GCLC: variants seen among roughly 807,000 people sequenced by gnomAD.
The protein encoded by GCLC is glutamate-cysteine ligase catalytic subunit, also known as glutamate--cysteine ligase catalytic subunit.
In GCLC, 30 loss-of-function variants were observed where a neutral mutation model predicts 81.5. The observed-to-expected ratio is 0.37, with a 90% CI of 0.28 to 0.50. The LOEUF is 0.50. Ranked by LOEUF, GCLC falls within the 20% of genes least tolerant of loss-of-function variation. The pLI, the probability that GCLC is intolerant of heterozygous loss-of-function variation, is 0.96. For missense variants in GCLC, 556 were observed against 777.4 expected (o/e 0.72, Z 3.39); for synonymous variants, 262 against 273.3 (o/e 0.96, Z 0.41).
intron 1 of GCLC, among the ~76,000 whole-genome samples, chr6:53,539,666 C>G (rs898173379): frequency 2.0e-5 from 3 of 152,144 alleles, no homozygotes; most frequent in African/African-American, 7.2e-5. Flanking sequence ...GCAAAAAAAG[C>G]AGCATTTTGA....
intron 1 of GCLC, among the ~76,000 whole-genome samples, chr6:53,530,174 TG>T (rs1209074058): frequency 6.6e-6 from 1 of 152,218 alleles, no homozygotes; most frequent in Admixed American, 6.5e-5. Flanking sequence ...TAGTGCTCAC[TG>T]GGGGTCACCT....
Position 53,506,793 on chromosome 6 carries a change from C to A in GCLC, c.1197+120G>T, listed in dbSNP as rs1764623736. 1.4e-6 allele frequency: 1 copy of A among 700,596 alleles called. No homozygotes were observed. Among genetic ancestry groups the A allele is most frequent in the Non-Finnish European group, 2.6e-6 (1 of 380,910 alleles). 43.4% of individuals were successfully genotyped at this position (700,596 alleles called of 1,614,324 possible). On this transcript the variant is annotated intron_variant, in intron 10 of 15. Coordinates refer to ENST00000650454, the MANE Select transcript of GCLC (RefSeq NM_001498.4). This position sits in a 1 kb window ranked among gnomAD's most constrained non-coding sequence, Gnocchi z 4.0. ...CTTATGAAATTTCTTTTGTGTTCTC[C>A]ACAGGTACAGAAAACTGCCTCCCCA...
intron 1 of GCLC, among the ~76,000 whole-genome samples, chr6:53,531,173 C>T (rs936274756): frequency 1.3e-5 from 2 of 152,116 alleles, no homozygotes; most frequent in African/African-American, 4.8e-5. Flanking sequence ...AGCTCCAGGG[C>T]AGTGATACAC....
chr6:53,507,106 C>T (rs1764630825), intron 9 of GCLC, 81 bp from the exon 10 acceptor site: 4 of 824,452 alleles, frequency 4.9e-6, no homozygotes, highest in African/African-American at 1.7e-5. Context: ...GACAGGATAG[C>T]TCAGGAAGTT....
At chr6:53,502,108 T>C (rs1011817918) in intron 12 of GCLC, among the ~76,000 whole-genome samples, 2 of 152,260 alleles carry the variant, frequency 1.3e-5, no homozygotes, top group Non-Finnish European at 2.9e-5. Context: ...TGCTGTATTA[T>C]GTCTACTTTT....
At chr6:53,543,892 A>G (rs1161016710) in intron 1 of GCLC, among the ~76,000 whole-genome samples, 4 of 152,210 alleles carry the variant, frequency 2.6e-5, no homozygotes, top group South Asian at 2.1e-4. Context: ...CTTAGAATTA[A>G]ACAGGAAAGG....
At chr6:53,517,249 GTTTT>G (rs201960255) in intron 3 of GCLC, among the ~76,000 whole-genome samples, 11 of 73,104 alleles carry the variant, frequency 1.5e-4, no homozygotes, top group East Asian at 8.5e-4. Flanking sequence ...ACTGTACCAA[GTTTT>G]TTTTTTTTTT....
At chr6:53,524,485 G>T (rs961151527) in intron 1 of GCLC, among the ~76,000 whole-genome samples, 2 of 152,152 alleles carry the variant, frequency 1.3e-5, no homozygotes, top group African/African-American at 2.4e-5. Context: ...TGGAAGCTGG[G>T]CTGTAACAAT....
intron 2 of GCLC, 25 bp from the exon 3 acceptor site, chr6:53,520,985 C>T: frequency 1.9e-6 from 3 of 1,578,504 alleles, no homozygotes; most frequent in Non-Finnish European, 2.6e-6. Flanking sequence ...TAACTTAGTT[C>T]CATCTTATTC....
intron 11 of GCLC, 70 bp from the exon 12 acceptor site, chr6:53,505,566 T>C: frequency 2.3e-6 from 2 of 861,650 alleles, no homozygotes; most frequent in Admixed American, 1.8e-5. Context: ...ACCCAGGCCC[T>C]TCCTCAGATC....
chr6:53,498,543 A>G lies in GCLC; in HGVS notation c.*213T>C. 1.7e-6 allele frequency: 1 copy of G among 572,108 alleles called. No individual in the cohort carries two copies. Among genetic ancestry groups the G allele is most frequent in the Non-Finnish European group, 3.1e-6 (1 of 320,124 alleles). 35.4% of individuals were successfully genotyped at this position (572,108 alleles called of 1,614,324 possible). ...ATGACTTTAGATATGTTATTAAAAT[A>G]CATTGTTAATCAAAAATACTTTACT... is the stretch of plus-strand genomic sequence containing the variant. On this transcript the variant is annotated 3_prime_UTR_variant, in exon 16 of 16. Coordinates refer to ENST00000650454, the MANE Select transcript of GCLC (RefSeq NM_001498.4).
chr6:53,516,205 A>T lies in GCLC; in HGVS notation c.464T>A (p.Phe155Tyr). 6.2e-7 allele frequency: 1 copy of T among 1,608,162 alleles called. No homozygotes were observed. Among genetic ancestry groups the T allele is most frequent in the Non-Finnish European group, 8.5e-7 (1 of 1,174,526 alleles). The part of the protein sequence containing the change: ...TSFPRLGCPG[F>Y]TLPEVKPNPV... ...GTTGGGTTTGACCTCGGGCAGTGTG[A>T]ACCCAGGACAGCCTAATCTACAACA... is the stretch of plus-strand genomic sequence containing the variant. Residue 155 changes from phenylalanine (F) to tyrosine (Y), a missense_variant, in exon 4 of 16, where the codon TTC becomes TAC. By Grantham distance (22) the Phe-to-Tyr change is conservative. Around this residue, in one of 3 missense-constraint regions of GCLC, gnomAD observed 234 missense variants for 303.8 expected, o/e 0.77. Transcript: ENST00000650454.
chr6:53,525,228 C>CA (rs1763060027), intron 1 of GCLC, among the ~76,000 whole-genome samples: 1 of 152,166 alleles, frequency 6.6e-6, no homozygotes, highest in South Asian at 2.1e-4. Flanking sequence ...AGAGGTTCTT[C>CA]AAACTTTTAG....
At chr6:53,538,774 C>T (rs909603326) in intron 1 of GCLC, among the ~76,000 whole-genome samples, 1 of 152,196 alleles carries the variant, frequency 6.6e-6, no homozygotes, top group Non-Finnish European at 1.5e-5. Context: ...ATGGACTTTT[C>T]TGCTAACTAG....
At chr6:53,508,446 C>T (rs1764663028) in intron 8 of GCLC, 149 bp downstream of exon 8, 5 of 710,480 alleles carry the variant, frequency 7.0e-6, no homozygotes, top group East Asian at 2.6e-5. Flanking sequence ...CATCAACATA[C>T]GATAAAAATT....
intron 12 of GCLC, chr6:53,505,122 C>T (rs1322275253): frequency 7.2e-6 from 3 of 415,270 alleles, no homozygotes; most frequent in Non-Finnish European, 1.3e-5. Context: ...CCCTCCCCAT[C>T]CTAATTTAAC....
chr6:53,521,604 T>C (rs1762996881), intron 2 of GCLC, among the ~76,000 whole-genome samples: 2 of 152,260 alleles, frequency 1.3e-5, no homozygotes, highest in East Asian at 1.9e-4. Context: ...CCAAAACGAA[T>C]GAGTGGAAAA....
At chr6:53,539,830 C>T (rs1429978225) in intron 1 of GCLC, among the ~76,000 whole-genome samples, 1 of 152,322 alleles carries the variant, frequency 6.6e-6, no homozygotes, top group East Asian at 1.9e-4. Context: ...AGTTATTTCT[C>T]AAGGCTTCTG....
intron 12 of GCLC, among the ~76,000 whole-genome samples, chr6:53,504,885 G>A (rs995919318): frequency 1.3e-5 from 2 of 152,080 alleles, no homozygotes; most frequent in Admixed American, 6.5e-5. Flanking sequence ...AACCAAAGGC[G>A]TTCACCTCCT....
Sources: allele counts gnomAD v4.1 joint callset (sites outside exome capture counted in the v4.1 genomes callset), GRCh38; gene constraint gnomAD v4.1.1; regional missense constraint gnomAD v4.1.1; non-coding constraint Gnocchi (gnomAD v3.1); transcripts MANE v1.5; gene names NCBI Gene and HGNC (gene_info 2026-07-23, HGNC 2026-07-21).